EP400: variants seen among roughly 807,000 people sequenced by gnomAD.
EP400 encodes E1A-binding protein p400.
A neutral mutation model predicts 354.1 loss-of-function variants in EP400; 105 were observed. The observed-to-expected ratio is 0.30, with a 90% CI of 0.25 to 0.35. The LOEUF is 0.35. Among genes scored for constraint, EP400 ranks in the 10% least tolerant of loss-of-function variants. EP400 has a pLI of 1.00. For synonymous variants in EP400, 1,646 were observed against 1,716.9 expected (o/e 0.96, Z 1.02); for missense variants, 3,280 against 4,121.0 (o/e 0.80, Z 5.59).
At position 132,008,899 on chromosome 12, in the gene EP400, C is replaced by T. The variant is rs188862313; in HGVS notation, c.3304+2022C>T. Among the ~76,000 whole-genome samples the T allele has an allele frequency of 7.1e-3, 1,010 of 142,866 alleles. 30 individuals are homozygous for T. In the South Asian group the frequency reaches 0.094, roughly 13 times the overall value. The allele number at this position is 142,866 out of a possible 152,430, so 93.7% of individuals were successfully genotyped here. A position where few individuals can be genotyped will look rare whatever the true frequency, so the allele number is the denominator to read the frequency against. On this transcript the variant is annotated intron_variant, in intron 15 of 52. Coordinates refer to ENST00000389561, the MANE Select transcript of EP400 (RefSeq NM_015409.5). ...CCTCCCAAAGTGCTGGGATTACAGG[C>T]GTGAGACACCGTGCCCAGCCTTTTT...
At chr12:132,031,468 C>A in intron 29 of EP400, 2 of 478,868 alleles carry the variant, frequency 4.2e-6, no homozygotes, top group Admixed American at 2.1e-5. Flanking sequence ...ATAGTGGCTG[C>A]ACAGAAGAGC....
Position 131,982,139 on chromosome 12 carries a change from G to GCAGAGT in EP400, c.1594_1599dup (p.Ser532_Gln533dup). 2 of 1,583,920 alleles carry GCAGAGT rather than the reference G, an allele frequency of 1.3e-6. No individual in the cohort carries two copies. The highest frequency in any genetic ancestry group is 1.7e-6 in the Non-Finnish European group (2 of 1,160,600). On this transcript the variant is annotated inframe_insertion, in exon 5 of 53. Transcript: ENST00000389561. Reference sequence around the variant, plus strand: ...AGGCCGCGCAGCTCGCTGGACAGAGGCAGAGTCAGCAGCAGTATGACCCCT... The same window carrying GCAGAGT: ...AGGCCGCGCAGCTCGCTGGACAGAGGCAGAGTCAGAGTCAGCAGCAGTATGACCCCT...
chr12:131,996,310 T>TTTTTTTTC (rs1339572748), intron 12 of EP400, among the ~76,000 whole-genome samples: 9 of 151,010 alleles, frequency 6.0e-5, no homozygotes, highest in Admixed American at 2.0e-4. Context: ...TTTTTTTTTT[T>TTTTTTTTC]TGAGATGGAG....
At chr12:132,076,471 A>G (rs751880273) in intron 51 of EP400, 45 bp from the exon 52 acceptor site, 41 of 1,593,588 alleles carry the variant, frequency 2.6e-5, no homozygotes, top group East Asian at 2.2e-4. Flanking sequence ...TTTTGTGCAC[A>G]TACTCCTTTG....
chr12:132,072,721 G>A (rs1896101408), intron 51 of EP400, among the ~76,000 whole-genome samples: 2 of 152,222 alleles, frequency 1.3e-5, no homozygotes, highest in South Asian at 2.1e-4. Flanking sequence ...CCAATCACTT[G>A]TGTTACTAGT....
intron 1 of EP400, among the ~76,000 whole-genome samples, chr12:131,950,946 C>T (rs904459708): frequency 2.6e-5 from 4 of 151,790 alleles, no homozygotes; most frequent in African/African-American, 4.8e-5. Context: ...GTCACCCAGG[C>T]TGGAGTGCAG....
At position 131,991,457 on chromosome 12, in the gene EP400, G is replaced by C; in HGVS notation, c.2679+1G>C. ...TGACGCATTACAGGAAAGTTCTCTG[G>C]TAAGTTTGGGGTTGTTACTGTGCTG... is the stretch of plus-strand genomic sequence containing the variant. On this transcript the variant is annotated splice_donor_variant, in intron 10 of 52. Coordinates refer to ENST00000389561, the MANE Select transcript of EP400 (RefSeq NM_015409.5). LOFTEE classifies it high-confidence loss of function. 6.2e-7 allele frequency: 1 copy of C among 1,613,990 alleles called. No homozygotes were observed. The highest frequency in any genetic ancestry group is 8.5e-7 in the Non-Finnish European group (1 of 1,179,916).
chr12:131,998,023 G>A (rs1038586324), intron 12 of EP400, among the ~76,000 whole-genome samples: 1 of 152,090 alleles, frequency 6.6e-6, no homozygotes, highest in Non-Finnish European at 1.5e-5. Flanking sequence ...ATGCATATTT[G>A]GAAAGCCATA....
intron 2 of EP400, among the ~76,000 whole-genome samples, chr12:131,968,662 A>C (rs1852704861): frequency 6.6e-6 from 1 of 152,172 alleles, no homozygotes; most frequent in South Asian, 2.1e-4. Flanking sequence ...CTGTTTAGGG[A>C]GGAGTGATAT....
At position 132,030,166 on chromosome 12, in the gene EP400, G is replaced by A; in HGVS notation, c.5754+8G>A. The A allele has an allele frequency of 6.2e-7, 1 of 1,614,050 alleles. No individual in the cohort carries two copies. Among genetic ancestry groups the A allele is most frequent in the Non-Finnish European group, 8.5e-7 (1 of 1,179,926 alleles). ...AGCAGTGAGCAACGGCAGGTGAGAAGCACATTGTTTACATTGTCTCTGATG... is the reference window on the plus strand; with the variant it reads ...AGCAGTGAGCAACGGCAGGTGAGAAACACATTGTTTACATTGTCTCTGATG... On this transcript the variant is annotated splice_region_variant and intron_variant, in intron 29 of 52. Coordinates refer to ENST00000389561, the MANE Select transcript of EP400 (RefSeq NM_015409.5).
At chr12:132,040,580 C>T (rs115108797) in intron 32 of EP400, among the ~76,000 whole-genome samples, 1,731 of 152,296 alleles carry the variant, frequency 0.011, 18 homozygotes, top group African/African-American at 0.028. Flanking sequence ...TACTGTGTGT[C>T]AGGCACTGTT....
At chr12:131,970,570 A>C (rs1892254920) in intron 2 of EP400, among the ~76,000 whole-genome samples, 2 of 152,176 alleles carry the variant, frequency 1.3e-5, no homozygotes, top group Admixed American at 1.3e-4. Context: ...CACAGAATGG[A>C]TGGGCTGTGT....
rs968661266 is a variant in EP400, at chr12:132,043,700, T to C, written c.6422T>C (p.Ile2141Thr). The change falls in exon 34 of 53, where the codon ATT (isoleucine) becomes ACT (threonine). Residue 2141 changes from isoleucine to threonine, a missense_variant. Ile to Thr is a moderately conservative substitution (Grantham distance 89). Coordinates refer to ENST00000389561, the MANE Select transcript of EP400 (RefSeq NM_015409.5). ...LNYLELFHTS[I>T]EQEKERNSED... ...TACCTGGAATTATTCCATACTTCTA[T>C]TGAGCAAGAAAAGGAGAGAAACAGT... 1.9e-6 allele frequency: 3 copies of C among 1,611,536 alleles called. No individual in the cohort carries two copies. Among genetic ancestry groups the C allele is most frequent in the Non-Finnish European group, 2.5e-6 (3 of 1,179,398 alleles).
intron 25 of EP400, among the ~76,000 whole-genome samples, chr12:132,026,252 C>T (rs1894301109): frequency 6.6e-6 from 1 of 152,198 alleles, no homozygotes; most frequent in Non-Finnish European, 1.5e-5. Flanking sequence ...GGCCCCAGGT[C>T]TCTCTGGACA....
At position 132,080,199 on chromosome 12, in the gene EP400, T is replaced by G. The variant is rs1246433441; in HGVS notation, c.*2526T>G. The G allele has an allele frequency of 6.6e-6, 1 of 152,472 alleles. No individual in the cohort carries two copies. Among genetic ancestry groups the G allele is most frequent in the Admixed American group, 6.5e-5 (1 of 15,290 alleles). 9.4% of individuals were successfully genotyped at this position (152,472 alleles called of 1,614,324 possible). Reference sequence around the variant, plus strand: ...TTAGCCAGACTGTTTTTAAAGCACCTGGCGGGAAGCAGAAGGTTGGATCCA... The same window carrying G: ...TTAGCCAGACTGTTTTTAAAGCACCGGGCGGGAAGCAGAAGGTTGGATCCA... On this transcript the variant is annotated 3_prime_UTR_variant, in exon 53 of 53. Coordinates refer to ENST00000389561, the MANE Select transcript of EP400 (RefSeq NM_015409.5).
chr12:132,077,331 GA>G, intron 52 of EP400, 69 bp from the exon 53 acceptor site: 5 of 1,537,946 alleles, frequency 3.3e-6, no homozygotes, highest in Non-Finnish European at 4.4e-6. Context: ...CCATCCCAAA[GA>G]ACGTCCATTT....
At chr12:131,997,419 T>C (rs866276560) in intron 12 of EP400, among the ~76,000 whole-genome samples, 5 of 151,426 alleles carry the variant, frequency 3.3e-5, no homozygotes, top group Non-Finnish European at 7.4e-5. Flanking sequence ...TAGTGCGCGC[T>C]ACCACGCCCA....
At chr12:131,989,816 C>A in intron 7 of EP400, 148 bp from the exon 8 acceptor site, 2 of 838,198 alleles carry the variant, frequency 2.4e-6, no homozygotes, top group Non-Finnish European at 3.5e-6. Context: ...CATGTTTCTC[C>A]TAATCCACCC....
intron 12 of EP400, among the ~76,000 whole-genome samples, chr12:131,999,979 C>CTT (rs879423130): frequency 8.3e-6 from 1 of 120,048 alleles, no homozygotes; most frequent in Non-Finnish European, 1.8e-5. Flanking sequence ...TTGTCAGATT[C>CTT]TTTTTTTTTT....
Sources: allele counts gnomAD v4.1 joint callset (sites outside exome capture counted in the v4.1 genomes callset), GRCh38; gene constraint gnomAD v4.1.1; transcripts MANE v1.5; gene names NCBI Gene and HGNC (gene_info 2026-07-23, HGNC 2026-07-21).